PVT1: variants seen among roughly 807,000 people sequenced by gnomAD.
PVT1 encodes CXCR4/PVT1 fusion.
intron 3 of PVT1, among the ~76,000 whole-genome samples, chr8:127,893,121 T>A (rs1274428240): frequency 2.0e-5 from 3 of 152,218 alleles, no homozygotes; most frequent in Admixed American, 6.5e-5. Context: ...CTTCTCTGTG[T>A]CAGCAAGGAT....
intron 3 of PVT1, chr8:127,939,756 G>T (rs1816325609): frequency 6.6e-6 from 1 of 152,206 alleles, no homozygotes. Flanking sequence ...AGACCTAAGG[G>T]TCTGTACATT....
chr8:127,964,391 G>T (rs1344084830), intron 3 of PVT1, among the ~76,000 whole-genome samples: 2 of 152,224 alleles, frequency 1.3e-5, no homozygotes, highest in Non-Finnish European at 2.9e-5. Context: ...AGTGGGAGCA[G>T]AACTGGAGGA....
In PVT1 at chr8:127,942,451, A is replaced by G. The variant is rs1018330663; in HGVS notation, n.783-46711A>G. 1.3e-4 allele frequency among the ~76,000 whole-genome samples: 20 copies of G among 152,060 alleles called. No individual in the cohort carries two copies. The Middle Eastern group carries it at 9.5e-3, about 72-fold the overall frequency. Reference sequence around the variant, plus strand: ...CACAGCCAGTGGTGGGAAAGCACCTAATTTACATCTTCATGCATTGAAACT... The same window carrying G: ...CACAGCCAGTGGTGGGAAAGCACCTGATTTACATCTTCATGCATTGAAACT... On this transcript the variant is annotated intron_variant and non_coding_transcript_variant, in intron 3 of 10. Coordinates refer to ENST00000651587, the Ensembl canonical transcript of PVT1.
Position 128,086,346 on chromosome 8 carries a change from G to A in PVT1, n.1115-10172G>A, listed in dbSNP as rs142415176. Among the ~76,000 whole-genome samples the A allele has an allele frequency of 2.0e-4, 30 of 152,276 alleles. No individual in the cohort carries two copies. The East Asian group carries it at 5.4e-3, about 27-fold the overall frequency. ...GCATCAGCTTCCTAGCAGGCTTGAC[G>A]TTAAGTGTTCACATGGAGCTCTGCA... On this transcript the variant is annotated intron_variant and non_coding_transcript_variant, in intron 5 of 10. Transcript: ENST00000651587.
At chr8:127,983,876 A>ATTTTTTTT (rs33948305) in intron 3 of PVT1, 31 of 120,932 alleles carry the variant, frequency 2.6e-4, no homozygotes, top group South Asian at 5.4e-4. Flanking sequence ...CTTGACTTTG[A>ATTTTTTTT]TTTTTTTTTT....
intron 3 of PVT1, among the ~76,000 whole-genome samples, chr8:127,897,902 AAAAAGAC>A (rs1403434441): frequency 7.3e-5 from 11 of 150,074 alleles, no homozygotes; most frequent in African/African-American, 1.2e-4. Flanking sequence ...AAAGAAAGAA[AAAAAGAC>A]AGACAGGAAG....
chr8:128,041,617 G>GTT (rs1229676017), intron 4 of PVT1, among the ~76,000 whole-genome samples: 1 of 102,984 alleles, frequency 9.7e-6, no homozygotes, highest in African/African-American at 3.0e-5. Context: ...TTTGGTGTGT[G>GTT]TGTGTGTGTT....
At chr8:128,042,688 T>C (rs565443486) in intron 4 of PVT1, among the ~76,000 whole-genome samples, 1 of 152,288 alleles carries the variant, frequency 6.6e-6, no homozygotes, top group South Asian at 2.1e-4. Context: ...CCTTCTCACC[T>C]GTATGAGCAG....
At chr8:127,811,451 CT>C (rs972510181) in intron 2 of PVT1, among the ~76,000 whole-genome samples, 45 of 152,310 alleles carry the variant, frequency 3.0e-4, no homozygotes, top group African/African-American at 1.0e-3. Context: ...TCCATTCCCC[CT>C]GGGCCTAGCA....
At chr8:127,889,135 T>C (rs185940613) in intron 2 of PVT1, among the ~76,000 whole-genome samples, 9 of 150,666 alleles carry the variant, frequency 6.0e-5, no homozygotes, top group Admixed American at 2.7e-4. Context: ...CTTTCTTTCT[T>C]CTTTTTTTTT....
At chr8:128,060,027 C>A (rs1268871) in intron 4 of PVT1, among the ~76,000 whole-genome samples, 1 of 152,218 alleles carries the variant, frequency 6.6e-6, no homozygotes, top group South Asian at 2.1e-4. Context: ...GAGGCCAAGG[C>A]GGGTGGATCA....
chr8:127,926,362 C>T (rs751067214), intron 3 of PVT1, among the ~76,000 whole-genome samples: 18 of 152,220 alleles, frequency 1.2e-4, no homozygotes, highest in Non-Finnish European at 2.2e-4. Context: ...GACCGGTACA[C>T]TCACCCCAGC....
chr8:127,809,052 A>AAAAG lies in PVT1; in HGVS notation n.372+12989_372+12992dup, dbSNP rs60195842. 1.8e-3 allele frequency among the ~76,000 whole-genome samples: 246 copies of AAAAG among 135,078 alleles called. 16 individuals carry two copies. The highest frequency in any genetic ancestry group is 7.1e-3 in the African/African-American group (232 of 32,658). 88.6% of individuals were successfully genotyped at this position (135,078 alleles called of 152,430 possible). ...CTCAAAAAAAAAAAAAAAAAAAAAA[A>AAAAG]AAAGAAAGAAAAAAAAGAAAAAGAA... On this transcript the variant is annotated intron_variant and non_coding_transcript_variant, in intron 2 of 10. Coordinates refer to ENST00000651587, the Ensembl canonical transcript of PVT1.
At chr8:127,979,408 G>T (rs1014812950) in intron 3 of PVT1, among the ~76,000 whole-genome samples, 1 of 152,176 alleles carries the variant, frequency 6.6e-6, no homozygotes, top group Non-Finnish European at 1.5e-5. Context: ...TTGCCCTTCT[G>T]GTCCTGGAAC....
chr8:127,828,633 C>T (rs568863593), intron 2 of PVT1, among the ~76,000 whole-genome samples: 48 of 152,150 alleles, frequency 3.2e-4, no homozygotes, highest in Non-Finnish European at 4.9e-4. Context: ...TTTCTATAAA[C>T]GTGGGGAGAG....
intron 4 of PVT1, among the ~76,000 whole-genome samples, chr8:127,994,654 T>C (rs533876590): frequency 1.3e-5 from 2 of 152,320 alleles, no homozygotes; most frequent in African/African-American, 4.8e-5. Context: ...GCTCATGCAA[T>C]TATGGACCCA....
chr8:127,825,937 A>G (rs1200128156), intron 2 of PVT1, among the ~76,000 whole-genome samples: 2 of 150,894 alleles, frequency 1.3e-5, no homozygotes, highest in African/African-American at 4.9e-5. Flanking sequence ...TGCAGCCTCA[A>G]ATTCCTGGGC....
chr8:127,976,352 A>C (rs1816822793), intron 3 of PVT1, among the ~76,000 whole-genome samples: 1 of 152,192 alleles, frequency 6.6e-6, no homozygotes, highest in South Asian at 2.1e-4. Flanking sequence ...ATTACTAATA[A>C]ACAAGAGGAT....
chr8:127,957,597 GA>G (rs1277612624), intron 3 of PVT1, among the ~76,000 whole-genome samples: 1 of 147,552 alleles, frequency 6.8e-6, no homozygotes, highest in Non-Finnish European at 1.5e-5. Flanking sequence ...GAAAAGAAAA[GA>G]AAAAAAAGTC....
Sources: gnomAD v4.1 joint callset for allele counts (sites outside exome capture counted in the v4.1 genomes callset) on GRCh38, gnomAD v4.1.1 for gene constraint, MANE v1.5 for transcripts, NCBI Gene and HGNC (gene_info 2026-07-23, HGNC 2026-07-21) for gene names.